RBMX2: variants seen among roughly 807,000 people sequenced by gnomAD.
RBMX2 encodes RNA binding motif protein X-linked 2.
For synonymous variants in RBMX2, 77 were observed against 94.3 expected, an observed-to-expected ratio of 0.82 and a Z score of 1.07; for missense variants, 191 against 256.0, an observed-to-expected ratio of 0.75 and a Z score of 1.73.
intron 1 of RBMX2, 27 bp from the exon 2 acceptor site, chrX:130,402,228 C>CAAA: frequency 3.0e-5 from 31 of 1,029,041 alleles, no homozygotes; most frequent in Non-Finnish European, 3.5e-5. Flanking sequence ...TCTGCCTACC[C>CAAA]TCCCCACCCC....
At chrX:130,402,225 A>ACCCCAACCCC in intron 1 of RBMX2, 30 bp from the exon 2 acceptor site, 1 of 984,796 alleles carries the variant, frequency 1.0e-6, no homozygotes, top group Non-Finnish European at 1.4e-6. Flanking sequence ...TTTTCTGCCT[A>ACCCCAACCCC]CCCTCCCCAC....
At chrX:130,402,225 A>ACCCCCCCCCCCCCCCCCCCC in intron 1 of RBMX2, 30 bp from the exon 2 acceptor site, 1 of 984,794 alleles carries the variant, frequency 1.0e-6, no homozygotes, top group Non-Finnish European at 1.4e-6. Flanking sequence ...TTTTCTGCCT[A>ACCCCCCCCCCCCCCCCCCCC]CCCTCCCCAC....
chrX:130,404,342 A>C (rs765268324), intron 3 of RBMX2: 1 of 117,085 alleles, frequency 8.5e-6, no homozygotes, highest in African/African-American at 3.2e-5. Context: ...GCTGAGAATC[A>C]CAGCCCGAAG....
At position 130,412,338 on chromosome X, in the gene RBMX2, T is replaced by G. The variant is rs774455719; in HGVS notation, c.482-23T>G. The G allele has an allele frequency of 6.4e-6, 7 of 1,101,605 alleles. No homozygotes were observed. In the Middle Eastern group the frequency reaches 1.1e-3, roughly 170 times the overall value. 90.8% of individuals were successfully genotyped at this position (1,101,605 alleles called of 1,213,427 possible). A position where few individuals can be genotyped will look rare whatever the true frequency, so the allele number is the denominator to read the frequency against. The stretch of plus-strand genomic sequence containing the variant: ...TATTTTTTTCCCTTTTCTTATTTAC[T>G]GCTTCTTTCTTTTATCCTCCAGACA... On this transcript the variant is annotated intron_variant, in intron 5 of 5. Coordinates refer to ENST00000305536, the MANE Select transcript of RBMX2 (RefSeq NM_016024.4).
Position 130,412,807 on chromosome X carries a change from G to C in RBMX2, c.928G>C (p.Glu310Gln), listed in dbSNP as rs777891399. ...GCATAAAAGGGCCCGACGCTCCCGG[G>C]AGCGGGAGTCTTCGAATCCCAGTGA... ...HRHKRARRSR[E>Q]RESSNPSDRW... is the part of the protein sequence containing the mutation. The change falls in exon 6 of 6, where the codon GAG (glutamate) becomes CAG (glutamine). Residue 310 changes from glutamate (E) to glutamine (Q), a missense_variant. Physicochemically the swap from Glu to Gln is conservative, Grantham distance 29. Coordinates refer to ENST00000305536, the MANE Select transcript of RBMX2 (RefSeq NM_016024.4). 1 of 1,210,686 alleles carries C rather than the reference G, an allele frequency of 8.3e-7. No individual in the cohort carries two copies. Among genetic ancestry groups the C allele is most frequent in the South Asian group, 1.8e-5 (1 of 56,834 alleles).
At chrX:130,412,323 C>T in intron 5 of RBMX2, 38 bp from the exon 6 acceptor site, 2 of 1,079,625 alleles carry the variant, frequency 1.9e-6, no homozygotes, top group Non-Finnish European at 2.4e-6. Context: ...TATTTTTTTC[C>T]CTTTTCTTAT....
chrX:130,413,511 T>A lies in RBMX2; in HGVS notation c.*663T>A, dbSNP rs1420012325. Among the ~76,000 whole-genome samples the A allele has an allele frequency of 4.5e-5, 5 of 110,272 alleles. No individual in the cohort carries two copies. The highest frequency in any genetic ancestry group is 9.5e-5 in the Non-Finnish European group (5 of 52,867). Reference sequence around the variant, plus strand: ...TTGCCTCTGTCTAGTTCCAAAACATTTTTTATCATCCCAAAATGAAACCCT... The same window carrying A: ...TTGCCTCTGTCTAGTTCCAAAACATATTTTATCATCCCAAAATGAAACCCT... On this transcript the variant is annotated 3_prime_UTR_variant, in exon 6 of 6. Transcript: ENST00000305536.
chrX:130,403,790 T>C lies in RBMX2; in HGVS notation c.122-12T>C, dbSNP rs760959424. 8.3e-7 allele frequency: 1 copy of C among 1,207,642 alleles called. No homozygotes were observed. Among genetic ancestry groups the C allele is most frequent in the Non-Finnish European group, 1.1e-6 (1 of 891,620 alleles). On this transcript the variant is annotated splice_polypyrimidine_tract_variant and intron_variant, in intron 2 of 5. Transcript: ENST00000305536. Reference sequence around the variant, plus strand: ...AATGTTGGTGGAACTGAAATGTGGTTTTCTCTTCTAGGAGGGCTTCCTTAT... The same window carrying C: ...AATGTTGGTGGAACTGAAATGTGGTCTTCTCTTCTAGGAGGGCTTCCTTAT...
chrX:130,409,226 A>G, intron 3 of RBMX2, 31 bp from the exon 4 acceptor site: 1 of 1,164,535 alleles, frequency 8.6e-7, no homozygotes, highest in Non-Finnish European at 1.1e-6. Flanking sequence ...TTTTAAGTCA[A>G]CAGTGTCTTA....
At chrX:130,406,973 G>C (rs754706433) in intron 3 of RBMX2, among the ~76,000 whole-genome samples, 1 of 110,911 alleles carries the variant, frequency 9.0e-6, no homozygotes, top group South Asian at 3.8e-4. Context: ...AGACTTTGGA[G>C]CATTTTGAAT....
At chrX:130,412,340 C>T (rs2034517604) in intron 5 of RBMX2, 21 bp from the exon 6 acceptor site, 3 of 1,077,611 alleles carry the variant, frequency 2.8e-6, no homozygotes, top group East Asian at 3.2e-5. Context: ...TTATTTACTG[C>T]TTCTTTCTTT....
chrX:130,410,511 T>C (rs761444099), intron 4 of RBMX2, among the ~76,000 whole-genome samples: 1 of 110,668 alleles, frequency 9.0e-6, no homozygotes, highest in South Asian at 3.9e-4. Context: ...CTCAGCCTCC[T>C]GAGTAGCTGG....
Position 130,402,301 on chromosome X carries a change from G to C in RBMX2, c.52G>C (p.Val18Leu), listed in dbSNP as rs753916245. The C allele has an allele frequency of 8.3e-7, 1 of 1,208,496 alleles. No individual in the cohort carries two copies. Among genetic ancestry groups the C allele is most frequent in the Non-Finnish European group, 1.1e-6 (1 of 894,635 alleles). Reference sequence around the variant, plus strand: ...GATCAACGAGCTGAATGAACGAGAGGTCCAGCTTGGGGTGGCCGATAAGGT... The same window carrying C: ...GATCAACGAGCTGAATGAACGAGAGCTCCAGCTTGGGGTGGCCGATAAGGT... ...KLINELNERE[V>L]QLGVADKVSW... The change falls in exon 2 of 6, where the codon GTC becomes CTC. Residue 18 changes from valine (V) to leucine (L), a missense_variant. Val to Leu is a conservative substitution (Grantham distance 32). Coordinates refer to ENST00000305536, the MANE Select transcript of RBMX2 (RefSeq NM_016024.4).
intron 4 of RBMX2, among the ~76,000 whole-genome samples, chrX:130,409,785 A>G (rs1422186444): frequency 8.9e-6 from 1 of 111,980 alleles, no homozygotes; most frequent in Non-Finnish European, 1.9e-5. Flanking sequence ...CTCATAATCT[A>G]GTACATAGCC....
At chrX:130,409,971 C>T (rs1395040088) in intron 4 of RBMX2, among the ~76,000 whole-genome samples, 3 of 112,594 alleles carry the variant, frequency 2.7e-5, no homozygotes, top group Admixed American at 9.4e-5. Context: ...GGAGATAGCG[C>T]AAGTCAGGCT....
At chrX:130,406,430 T>C (rs1238865745) in intron 3 of RBMX2, among the ~76,000 whole-genome samples, 2 of 109,597 alleles carry the variant, frequency 1.8e-5, no homozygotes, top group Non-Finnish European at 3.8e-5. Context: ...TCCTAGCACA[T>C]TGGGAGGCCG....
intron 3 of RBMX2, among the ~76,000 whole-genome samples, chrX:130,404,740 T>C (rs2034475715): frequency 8.9e-6 from 1 of 112,064 alleles, no homozygotes; most frequent in East Asian, 2.8e-4. Flanking sequence ...TTGAGCCACT[T>C]ATGGGGCAGC....
Position 130,412,458 on chromosome X carries a change from A to G in RBMX2, c.579A>G (p.Thr193=), listed in dbSNP as rs1398843115. The change falls in exon 6 of 6, where the codon ACA becomes ACG. Residue 193 remains threonine (T), a synonymous_variant. Transcript: ENST00000305536. ...QPSSSSPRRK[T]VKEKDDTGPK... ...CCTCTTCGTCACCCAGACGCAAGAC[A>G]GTAAAGGAAAAGGATGACACTGGCC... 2 of 1,210,576 alleles carry G rather than the reference A, an allele frequency of 1.7e-6. No homozygotes were observed. The highest frequency in any genetic ancestry group is 2.2e-6 in the Non-Finnish European group (2 of 895,207).
intron 4 of RBMX2, among the ~76,000 whole-genome samples, 171 bp downstream of exon 4, chrX:130,409,557 T>A (rs1424021264): frequency 4.5e-5 from 5 of 111,900 alleles, no homozygotes; most frequent in Non-Finnish European, 1.9e-5. Context: ...AATAATTCTG[T>A]TGGCTCATGG....
Sources: gnomAD v4.1 joint callset for allele counts (sites outside exome capture counted in the v4.1 genomes callset) on GRCh38, gnomAD v4.1.1 for gene constraint, MANE v1.5 for transcripts, NCBI Gene and HGNC (gene_info 2026-07-23, HGNC 2026-07-21) for gene names.